The following DRD2 variants were observed in gnomAD, a reference collection of about 807,000 sequenced individuals.
The protein encoded by DRD2 is D(2) dopamine receptor.
A neutral mutation model predicts 38.0 loss-of-function variants in DRD2; 8 were observed. The observed-to-expected ratio is 0.21, with a 90% CI of 0.12 to 0.38. The LOEUF is 0.38. Ranked by LOEUF, DRD2 falls within the 10% of genes least tolerant of loss-of-function variation. The probability of loss-of-function intolerance (pLI) is 1.00; values close to 1 mark genes in which losing one functional copy is unlikely to be tolerated. For missense variants in DRD2, 403 were observed against 607.7 expected, an observed-to-expected ratio of 0.66 and a Z score of 3.54; for synonymous variants, 230 against 238.6, an observed-to-expected ratio of 0.96 and a Z score of 0.33.
At position 113,417,267 on chromosome 11, in the gene DRD2, T is replaced by G. The variant is rs1470755838; in HGVS notation, c.396-268A>C. 2.6e-5 allele frequency among the ~76,000 whole-genome samples: 4 copies of G among 152,326 alleles called. No individual in the cohort carries two copies. The East Asian group carries it at 7.7e-4, about 29-fold the overall frequency. On this transcript the variant is annotated intron_variant, in intron 3 of 7. Coordinates refer to ENST00000362072, the MANE Select transcript of DRD2 (RefSeq NM_000795.4). Reference sequence around the variant, plus strand: ...TATTCTAACCGGCCCCACCTGGATTTCAGGCTTTTCGAAGAACCATGGCCT... The same window carrying G: ...TATTCTAACCGGCCCCACCTGGATTGCAGGCTTTTCGAAGAACCATGGCCT...
intron 1 of DRD2, among the ~76,000 whole-genome samples, chr11:113,472,175 A>C (rs1297836594): frequency 6.6e-6 from 1 of 152,228 alleles, no homozygotes; most frequent in Non-Finnish European, 1.5e-5. Flanking sequence ...ACGTGTATGC[A>C]AACACACACA....
At chr11:113,457,575 AC>A (rs1041882965) in intron 1 of DRD2, among the ~76,000 whole-genome samples, 15 of 147,334 alleles carry the variant, frequency 1.0e-4, no homozygotes, top group South Asian at 2.2e-4. Flanking sequence ...CTCCATTACC[AC>A]CCCCCCGACC....
rs202151925 is a variant in DRD2 at position 113,410,796 on chromosome 11, C to A, written c.1263G>T (p.Val421=). The part of the protein sequence containing the change: ...FTWLGYVNSA[V]NPIIYTTFNI... ...TGAAGGTGGTGTAGATGATGGGGTT[C>A]ACGGCGCTGTTGACATAGCCCAGCC... Residue 421 remains valine, a synonymous_variant, in exon 8 of 8, where the codon GTG becomes GTT. Transcript: ENST00000362072. 3.0e-5 allele frequency: 48 copies of A among 1,614,154 alleles called. No homozygotes were observed. Among genetic ancestry groups the A allele is most frequent in the Non-Finnish European group, 3.6e-5 (43 of 1,180,016 alleles).
At chr11:113,437,922 C>A (rs1197894936) in intron 1 of DRD2, among the ~76,000 whole-genome samples, 2 of 152,150 alleles carry the variant, frequency 1.3e-5, no homozygotes, top group Non-Finnish European at 2.9e-5. Flanking sequence ...GGGAAGAGAG[C>A]AGAGAGGCAG....
At chr11:113,452,465 T>TGA in intron 1 of DRD2, among the ~76,000 whole-genome samples, 1 of 89,596 alleles carries the variant, frequency 1.1e-5, no homozygotes, top group South Asian at 3.9e-4. Flanking sequence ...TGTGTGTGTG[T>TGA]GTGTGCGCGC....
intron 1 of DRD2, among the ~76,000 whole-genome samples, chr11:113,427,821 G>A (rs763349455): frequency 6.6e-6 from 1 of 152,196 alleles, no homozygotes; most frequent in Non-Finnish European, 1.5e-5. Flanking sequence ...CAGTACCTCA[G>A]AATGTGACTG....
chr11:113,415,437 A>C lies in DRD2; in HGVS notation c.707T>G (p.Leu236Arg), dbSNP rs376532450. ...KRSSRAFRAH[L>R]RAPLKGNCTH... ...TCTTGAGACCTTTAGTGGAGCCCTC[A>C]GGTGGGCCCTGAAAGCTCGGCTGCT... The change falls in exon 5 of 8, where the codon CTG (leucine) becomes CGG (arginine). Residue 236 changes from leucine to arginine, a missense_variant. Leu to Arg is a moderately radical substitution (Grantham distance 102, BLOSUM62 -2). Transcript: ENST00000362072. 5 of 1,613,382 alleles carry C rather than the reference A, an allele frequency of 3.1e-6. No individual in the cohort carries two copies. Among genetic ancestry groups the C allele is most frequent in the Non-Finnish European group, 4.2e-6 (5 of 1,179,498 alleles).
rs1366361924 is a variant in DRD2 at position 113,456,538 on chromosome 11, A to C, written c.-32+18538T>G. On this transcript the variant is annotated intron_variant, in intron 1 of 7. Transcript: ENST00000362072. The stretch of plus-strand genomic sequence containing the variant: ...TACATTGTACCCTATAAACACATTC[A>C]ATTATTATTTTTCAATAAAAATACA... 2.6e-5 allele frequency among the ~76,000 whole-genome samples: 4 copies of C among 152,242 alleles called. No homozygotes were observed. In the East Asian group the frequency reaches 7.7e-4, roughly 29 times the overall value.
chr11:113,417,178 C>T (rs1950836073), intron 3 of DRD2, among the ~76,000 whole-genome samples, 179 bp from the exon 4 acceptor site: 2 of 152,214 alleles, frequency 1.3e-5, no homozygotes, highest in South Asian at 2.1e-4. Context: ...ATGGCGAGGA[C>T]AGTTGGCAAA....
chr11:113,424,707 G>T (rs1022306535), intron 1 of DRD2, 25 bp from the exon 2 acceptor site: 15 of 1,611,186 alleles, frequency 9.3e-6, no homozygotes, highest in South Asian at 2.2e-5. Flanking sequence ...TGGACACAAG[G>T]TGTCAGTGAG....
chr11:113,474,717 T>C (rs1160656742), intron 1 of DRD2, among the ~76,000 whole-genome samples: 5 of 150,714 alleles, frequency 3.3e-5, no homozygotes, highest in Non-Finnish European at 7.4e-5. Context: ...CCTCCCGAGA[T>C]TGTGGGGAGC....
In DRD2 at chr11:113,410,448, A is replaced by C; in HGVS notation, c.*279T>G. On this transcript the variant is annotated 3_prime_UTR_variant, in exon 8 of 8. Coordinates refer to ENST00000362072, the MANE Select transcript of DRD2 (RefSeq NM_000795.4). The stretch of plus-strand genomic sequence containing the variant: ...CGGCTGCATCTTTGGTGCCAAGGAT[A>C]GGGGGACTGGAGGTGGGAGGGGGGA... The C allele has an allele frequency of 1.9e-6, 1 of 538,884 alleles. No individual in the cohort carries two copies. Among genetic ancestry groups the C allele is most frequent in the Non-Finnish European group, 3.4e-6 (1 of 296,340 alleles). 33.4% of individuals were successfully genotyped at this position (538,884 alleles called of 1,614,324 possible).
intron 5 of DRD2, 68 bp from the exon 6 acceptor site, chr11:113,414,529 T>C (rs1465735270): frequency 6.5e-7 from 1 of 1,531,574 alleles, no homozygotes; most frequent in East Asian, 2.3e-5. Flanking sequence ...AAACCCAAAG[T>C]GCAGCAGTCC....
chr11:113,415,735 G>A, intron 4 of DRD2, 124 bp from the exon 5 acceptor site: 1 of 1,057,324 alleles, frequency 9.5e-7, no homozygotes, highest in South Asian at 1.6e-5. Flanking sequence ...AACGCAACTA[G>A]ATGTTTAAGG....
At chr11:113,466,891 TAGCATTA>T (rs1019024773) in intron 1 of DRD2, among the ~76,000 whole-genome samples, 24 of 152,316 alleles carry the variant, frequency 1.6e-4, no homozygotes, top group Middle Eastern at 3.4e-3. Flanking sequence ...ATTGAGAGAT[TAGCATTA>T]AGCATTAAGT....
chr11:113,431,449 C>A (rs1565667244), intron 1 of DRD2, among the ~76,000 whole-genome samples: 1 of 152,212 alleles, frequency 6.6e-6, no homozygotes, highest in Non-Finnish European at 1.5e-5. Flanking sequence ...GAGAAGACTG[C>A]ATTTGTGTGG....
At chr11:113,438,109 T>A (rs1190795666) in intron 1 of DRD2, among the ~76,000 whole-genome samples, 1 of 152,140 alleles carries the variant, frequency 6.6e-6, no homozygotes, top group Non-Finnish European at 1.5e-5. Flanking sequence ...GAGGCCTTCC[T>A]AAGCAGTGAT....
intron 1 of DRD2, among the ~76,000 whole-genome samples, chr11:113,455,754 T>C (rs1951263175): frequency 6.6e-6 from 1 of 152,146 alleles, no homozygotes; most frequent in Non-Finnish European, 1.5e-5. Context: ...TCATGCTGGA[T>C]AGAATGGCTA....
intron 1 of DRD2, among the ~76,000 whole-genome samples, chr11:113,457,519 G>A (rs181195810): frequency 6.6e-6 from 1 of 152,010 alleles, no homozygotes; most frequent in East Asian, 1.9e-4. Flanking sequence ...TGGCTTCAAG[G>A]TCTCCTGCCA....
Sources: allele counts gnomAD v4.1 joint callset (sites outside exome capture counted in the v4.1 genomes callset), GRCh38; gene constraint gnomAD v4.1.1; transcripts MANE v1.5; gene names NCBI Gene and HGNC (gene_info 2026-07-23, HGNC 2026-07-21).